Variants in ASXL2 observed in about 807,000 individuals in gnomAD.
ASXL2 encodes the protein ASXL transcriptional regulator 2, also known as putative Polycomb group protein ASXL2.
A neutral mutation model predicts 122.0 loss-of-function variants in ASXL2; 23 were observed. The observed-to-expected ratio is 0.19, with a 90% CI of 0.14 to 0.27. The LOEUF (loss-of-function observed/expected upper bound fraction) is 0.27, where lower values mean the gene tolerates loss of function less well. Among genes scored for constraint, ASXL2 ranks in the 10% least tolerant of loss-of-function variants. The pLI is 1.00. For synonymous variants in ASXL2, 650 were observed against 637.0 expected (o/e 1.02, Z -0.31); for missense variants, 1,518 against 1,713.8 (o/e 0.89, Z 2.02).
chr2:25,750,957 T>A (rs922467999), intron 11 of ASXL2, among the ~76,000 whole-genome samples: 4 of 152,194 alleles, frequency 2.6e-5, no homozygotes, highest in African/African-American at 7.2e-5. Context: ...GCTGTCAATG[T>A]TCTATAGAGG....
intron 3 of ASXL2, among the ~76,000 whole-genome samples, chr2:25,820,894 C>T (rs1435983690): frequency 2.0e-5 from 3 of 152,006 alleles, no homozygotes; most frequent in Non-Finnish European, 2.9e-5. Flanking sequence ...AGGCCAGGCG[C>T]GGTGGCTCAC....
chr2:25,767,040 T>C (rs1266391280), intron 8 of ASXL2, among the ~76,000 whole-genome samples: 3 of 152,168 alleles, frequency 2.0e-5, no homozygotes, highest in Non-Finnish European at 4.4e-5. Flanking sequence ...CTCTCAAAAT[T>C]TGCTGACATC....
chr2:25,749,864 T>C lies in ASXL2; in HGVS notation c.1692A>G (p.Glu564=). Residue 564 remains glutamate, a synonymous_variant, in exon 12 of 13, where the codon GAA becomes GAG. Transcript: ENST00000435504. The stretch of plus-strand genomic sequence containing the variant: ...TGAGGGAAGACTTCCTCTTGAGGCT[T>C]TCTGGGCTCTGATCAACAAGAGTTG... The part of the protein sequence containing the change: ...PLATLVDQSP[E]SLKRKSSLTQ... 1 of 1,610,692 alleles carries C rather than the reference T, an allele frequency of 6.2e-7. No homozygotes were observed.
At chr2:25,795,981 T>C (rs763572706) in intron 5 of ASXL2, among the ~76,000 whole-genome samples, 3 of 152,178 alleles carry the variant, frequency 2.0e-5, no homozygotes, top group Non-Finnish European at 4.4e-5. Flanking sequence ...ACCCTCTTTG[T>C]CTTGCTTTCA....
At chr2:25,759,443 A>G (rs781706805) in intron 9 of ASXL2, 39 bp downstream of exon 9, 2 of 1,590,436 alleles carry the variant, frequency 1.3e-6, no homozygotes, top group East Asian at 2.2e-5. Context: ...GTATACATAA[A>G]CAGCTATTTT....
chr2:25,826,248 AGTGGGCT>A (rs199742390), intron 3 of ASXL2, among the ~76,000 whole-genome samples: 6,451 of 152,264 alleles, frequency 0.042, 205 homozygotes, highest in African/African-American at 0.08. Flanking sequence ...TATCTTTGAA[AGTGGGCT>A]GGAAAAGTTT....
chr2:25,872,656 T>C (rs1306687021), intron 1 of ASXL2, among the ~76,000 whole-genome samples: 11 of 152,114 alleles, frequency 7.2e-5, no homozygotes, highest in Admixed American at 6.6e-4. Flanking sequence ...GAAATAACTA[T>C]AGAGAGGAAA....
chr2:25,764,431 A>G (rs551410538), intron 8 of ASXL2, among the ~76,000 whole-genome samples: 32 of 152,340 alleles, frequency 2.1e-4, no homozygotes, highest in African/African-American at 7.0e-4. Flanking sequence ...GAGCTATAAC[A>G]AAAAGATAAA....
At chr2:25,860,129 T>G (rs2089826406) in intron 1 of ASXL2, among the ~76,000 whole-genome samples, 1 of 151,540 alleles carries the variant, frequency 6.6e-6, no homozygotes, top group African/African-American at 2.4e-5. Context: ...CTGACCAACA[T>G]GGAGAAACCC....
rs1228535413 is a variant in ASXL2, at chr2:25,736,677, A to G, written c.*5352T>C. Reference sequence around the variant, plus strand: ...AAAAAAAAAGCCAATGTATCCTTACATTAACTTCCAAAATATATTTTTTCT... The same window carrying G: ...AAAAAAAAAGCCAATGTATCCTTACGTTAACTTCCAAAATATATTTTTTCT... On this transcript the variant is annotated 3_prime_UTR_variant, in exon 13 of 13. Coordinates refer to ENST00000435504, the MANE Select transcript of ASXL2 (RefSeq NM_018263.6). The G allele has an allele frequency of 6.6e-6, 1 of 151,932 alleles. No individual in the cohort carries two copies. The highest frequency in any genetic ancestry group is 1.5e-5 in the Non-Finnish European group (1 of 67,964). The allele number at this position is 151,932 out of a possible 1,614,324, so 9.4% of individuals were successfully genotyped here.
chr2:25,789,897 T>C (rs1183862147), intron 5 of ASXL2, among the ~76,000 whole-genome samples: 1 of 152,156 alleles, frequency 6.6e-6, no homozygotes, highest in Non-Finnish European at 1.5e-5. Context: ...GTGGTTACTT[T>C]TGAGAAAGGA....
At position 25,869,912 on chromosome 2, in the gene ASXL2, T is replaced by TAAA. The variant is rs35244304; in HGVS notation, c.57+8251_57+8253dup. The stretch of plus-strand genomic sequence containing the variant: ...GGTATATCCAGTAACAATGAAATAC[T>TAAA]AAAAAAAAAAAAAGAAAGAAACATT... On this transcript the variant is annotated intron_variant, in intron 1 of 12. Transcript: ENST00000435504. Among the ~76,000 whole-genome samples the TAAA allele has an allele frequency of 5.6e-3, 778 of 137,906 alleles. 8 individuals carry two copies. Among genetic ancestry groups the TAAA allele is most frequent in the African/African-American group, 0.019 (729 of 37,418 alleles). 90.5% of individuals were successfully genotyped at this position (137,906 alleles called of 152,430 possible).
At chr2:25,754,239 AT>A (rs2088094622) in intron 10 of ASXL2, among the ~76,000 whole-genome samples, 1 of 152,232 alleles carries the variant, frequency 6.6e-6, no homozygotes, top group African/African-American at 2.4e-5. Flanking sequence ...GCTGCTCTGA[AT>A]ATGCCATTTA....
chr2:25,828,768 T>C (rs973169341), intron 3 of ASXL2, among the ~76,000 whole-genome samples: 5 of 132,664 alleles, frequency 3.8e-5, no homozygotes, highest in Non-Finnish European at 6.1e-5. Context: ...GAAGTTGCAG[T>C]GAGCTGAGAT....
chr2:25,837,517 T>G (rs928066405), intron 2 of ASXL2, among the ~76,000 whole-genome samples: 4 of 152,206 alleles, frequency 2.6e-5, no homozygotes, highest in African/African-American at 9.6e-5. Flanking sequence ...TGTATCCTTT[T>G]GTTTTTACAA....
intron 1 of ASXL2, among the ~76,000 whole-genome samples, chr2:25,865,576 G>A (rs1457492314): frequency 6.6e-6 from 1 of 150,442 alleles, no homozygotes; most frequent in African/African-American, 2.4e-5. Flanking sequence ...GACCATCCTG[G>A]CTAACACGGT....
intron 3 of ASXL2, among the ~76,000 whole-genome samples, chr2:25,815,100 A>C (rs1434574204): frequency 6.6e-6 from 1 of 152,180 alleles, no homozygotes; most frequent in East Asian, 1.9e-4. Context: ...CTCAAGTGAT[A>C]GGAATCTCAC....
chr2:25,868,397 A>C (rs539422574), intron 1 of ASXL2, among the ~76,000 whole-genome samples: 6 of 152,248 alleles, frequency 3.9e-5, no homozygotes, highest in Non-Finnish European at 8.8e-5. Context: ...TTTCAAATGA[A>C]AAGTCTCTCA....
intron 5 of ASXL2, among the ~76,000 whole-genome samples, chr2:25,783,551 C>G (rs1025047408): frequency 1.3e-5 from 2 of 151,782 alleles, no homozygotes; most frequent in Non-Finnish European, 2.9e-5. Context: ...TATTAGTTTA[C>G]TTTATTATTC....
Sources: gnomAD v4.1 joint callset for allele counts (sites outside exome capture counted in the v4.1 genomes callset) on GRCh38, gnomAD v4.1.1 for gene constraint, MANE v1.5 for transcripts, NCBI Gene and HGNC (gene_info 2026-07-23, HGNC 2026-07-21) for gene names.